Variants in RAD51B observed in about 807,000 individuals in gnomAD.
RAD51B encodes RAD51 paralog B, also known as DNA repair protein RAD51 homolog 2.
In RAD51B, 38 loss-of-function variants were observed where a neutral mutation model predicts 42.2. That is an observed-to-expected ratio of 0.90 (90% CI 0.70 to 1.18). RAD51B has a LOEUF of 1.18. Among genes scored for constraint, RAD51B ranks in the 50% most tolerant of loss-of-function variants. RAD51B has a pLI of 0.00. For synonymous variants in RAD51B, 154 were observed against 145.2 expected, an observed-to-expected ratio of 1.06 and a Z score of -0.43; for missense variants, 373 against 400.7, an observed-to-expected ratio of 0.93 and a Z score of 0.59.
At chr14:68,575,640 A>G (rs1889929011) in intron 10 of RAD51B, among the ~76,000 whole-genome samples, 1 of 152,152 alleles carries the variant, frequency 6.6e-6, no homozygotes, top group African/African-American at 2.4e-5. Context: ...CCCAATGAGG[A>G]AGGCTCAGCA....
At chr14:68,058,349 C>T (rs1339973173) in intron 7 of RAD51B, among the ~76,000 whole-genome samples, 1 of 152,084 alleles carries the variant, frequency 6.6e-6, no homozygotes, top group Non-Finnish European at 1.5e-5. Flanking sequence ...CATCATTTGC[C>T]TTCCAGTTTA....
intron 7 of RAD51B, among the ~76,000 whole-genome samples, chr14:68,159,084 G>C (rs1318163486): frequency 6.6e-6 from 1 of 151,952 alleles, no homozygotes; most frequent in Non-Finnish European, 1.5e-5. Flanking sequence ...GCTCCCAAAA[G>C]GTTTGTTTTG....
chr14:68,335,672 T>C (rs1001337056), intron 8 of RAD51B, among the ~76,000 whole-genome samples: 1 of 152,228 alleles, frequency 6.6e-6, no homozygotes, highest in Non-Finnish European at 1.5e-5. Flanking sequence ...GATCATCTAA[T>C]AGAATTTATT....
chr14:68,628,288 A>T (rs769950022), intron 10 of RAD51B: 1 of 152,260 alleles, frequency 6.6e-6, no homozygotes, highest in Non-Finnish European at 1.5e-5. Flanking sequence ...GACTAGAGCC[A>T]GCTTCTGCCT....
chr14:68,433,120 G>C (rs1247705195), intron 9 of RAD51B, among the ~76,000 whole-genome samples: 1 of 152,208 alleles, frequency 6.6e-6, no homozygotes, highest in African/African-American at 2.4e-5. Context: ...GAGATCAGCT[G>C]TTAGTTTGAT....
chr14:68,613,667 G>A (rs559054084), downstream of RAD51B, among the ~76,000 whole-genome samples: 1 of 151,844 alleles, frequency 6.6e-6, no homozygotes, highest in Non-Finnish European at 1.5e-5. Context: ...TGTTAGCCAG[G>A]ATGGTCTCGA....
chr14:67,858,924 A>T (rs752689372), intron 4 of RAD51B, among the ~76,000 whole-genome samples: 11 of 152,234 alleles, frequency 7.2e-5, no homozygotes, highest in Non-Finnish European at 1.6e-4. Flanking sequence ...GTTTTTGAAA[A>T]TGAAGAAAGT....
At chr14:68,500,158 A>G (rs943585191) in intron 10 of RAD51B, among the ~76,000 whole-genome samples, 2 of 152,202 alleles carry the variant, frequency 1.3e-5, no homozygotes, top group African/African-American at 4.8e-5. Context: ...GACACTACTA[A>G]GGACCAAGGA....
intron 4 of RAD51B, among the ~76,000 whole-genome samples, chr14:67,841,091 T>C (rs989161572): frequency 8.5e-5 from 13 of 152,216 alleles, no homozygotes; most frequent in African/African-American, 3.1e-4. Flanking sequence ...TGAGCCACTG[T>C]GCCTGGCCAT....
chr14:68,323,394 C>A (rs1038108766), intron 8 of RAD51B, among the ~76,000 whole-genome samples: 2 of 152,212 alleles, frequency 1.3e-5, no homozygotes, highest in Admixed American at 6.5e-5. Context: ...GCTGAGCCCC[C>A]ACTTGTGACC....
chr14:68,344,113 C>T (rs1177608243), intron 8 of RAD51B, among the ~76,000 whole-genome samples: 2 of 152,236 alleles, frequency 1.3e-5, no homozygotes, highest in Non-Finnish European at 2.9e-5. Flanking sequence ...ATAGAGTCCT[C>T]ACCAGGGCAC....
chr14:68,333,218 G>A (rs1417323566), intron 8 of RAD51B, among the ~76,000 whole-genome samples: 1 of 152,154 alleles, frequency 6.6e-6, no homozygotes, highest in East Asian at 1.9e-4. Context: ...ATCATCATAT[G>A]TAAAGAATGC....
At chr14:67,857,263 T>TA (rs916883578) in intron 4 of RAD51B, among the ~76,000 whole-genome samples, 18 of 152,068 alleles carry the variant, frequency 1.2e-4, no homozygotes, top group African/African-American at 2.7e-4. Flanking sequence ...CTGAGATTGT[T>TA]AAAAAAAATT....
chr14:68,406,840 T>C (rs1345612367), intron 8 of RAD51B, among the ~76,000 whole-genome samples: 1 of 151,964 alleles, frequency 6.6e-6, no homozygotes, highest in Non-Finnish European at 1.5e-5. Context: ...GTTTTTTAGA[T>C]TTTTTTACCT....
intron 7 of RAD51B, among the ~76,000 whole-genome samples, chr14:68,065,762 CAGG>C (rs771891712): frequency 6.6e-6 from 1 of 152,086 alleles, no homozygotes; most frequent in Non-Finnish European, 1.5e-5. Context: ...AGCTTGTTTT[CAGG>C]AGTTTGGAAG....
In RAD51B at chr14:68,109,933, A is replaced by G. The variant is rs1595410148; in HGVS notation, c.757-181951A>G. Among the ~76,000 whole-genome samples the G allele has an allele frequency of 2.0e-5, 3 of 152,054 alleles. No homozygotes were observed. In the East Asian group the frequency reaches 5.8e-4, roughly 29 times the overall value. On this transcript the variant is annotated intron_variant, in intron 7 of 10. Transcript: ENST00000471583. ...CCAAAACTTAAACTCAAAGAGGAAT[A>G]TAGTGTAAACTTTGGTTTAACTGAA...
At chr14:67,875,879 A>C (rs1419376763) in intron 5 of RAD51B, among the ~76,000 whole-genome samples, 3 of 152,198 alleles carry the variant, frequency 2.0e-5, no homozygotes, top group African/African-American at 7.2e-5. Context: ...CCATTGACAT[A>C]TTGACATATT....
At chr14:68,526,514 T>C (rs968823628) in intron 10 of RAD51B, among the ~76,000 whole-genome samples, 1 of 152,216 alleles carries the variant, frequency 6.6e-6, no homozygotes, top group African/African-American at 2.4e-5. Flanking sequence ...GTGGACACCC[T>C]CTTTTAAAAT....
chr14:68,304,718 C>G (rs1237281413), intron 8 of RAD51B, among the ~76,000 whole-genome samples: 1 of 152,230 alleles, frequency 6.6e-6, no homozygotes, highest in African/African-American at 2.4e-5. Context: ...AGGCACTTAA[C>G]TTCCCTGGAC....
Sources: gnomAD v4.1 joint callset for allele counts (sites outside exome capture counted in the v4.1 genomes callset) on GRCh38, gnomAD v4.1.1 for gene constraint, MANE v1.5 for transcripts, NCBI Gene and HGNC (gene_info 2026-07-23, HGNC 2026-07-21) for gene names.